LHFPL3: variants seen among roughly 807,000 people sequenced by gnomAD.
LHFPL3 encodes LHFPL tetraspan subfamily member 3 protein.
LHFPL3 carries 5 observed loss-of-function variants against 19.3 expected under a neutral mutation model. The ratio of observed to expected loss-of-function variants is 0.26; its 90% CI spans 0.14 to 0.54. LHFPL3 has a LOEUF of 0.54. Ranked by LOEUF, LHFPL3 falls within the 20% of genes least tolerant of loss-of-function variation. LHFPL3 has a pLI of 0.94. For synonymous variants in LHFPL3, 133 were observed against 126.2 expected (o/e 1.05, Z -0.36); for missense variants, 249 against 307.4 (o/e 0.81, Z 1.42).
chr7:104,667,663 C>A (rs1440356095), intron 1 of LHFPL3: 22 of 978,828 alleles, frequency 2.2e-5, no homozygotes, highest in Non-Finnish European at 3.3e-5. Flanking sequence ...TAAATAGTAA[C>A]TAAAGTTAAC....
At position 104,557,947 on chromosome 7, in the gene LHFPL3, C is replaced by T. The variant is rs560964260; in HGVS notation, c.446-178728C>T. ...TGCGGTGTTTGGTTTTTTGTTCTTG[C>T]GATAGTTTACTGAGAATCATGATTT... is the stretch of plus-strand genomic sequence containing the variant. On this transcript the variant is annotated intron_variant, in intron 1 of 2. Transcript: ENST00000424859. Among the ~76,000 whole-genome samples the T allele has an allele frequency of 1.2e-3, 180 of 150,210 alleles. 1 individual carries two copies. Among genetic ancestry groups the T allele is most frequent in the African/African-American group, 2.4e-3 (96 of 40,072 alleles).
chr7:104,538,372 G>C (rs1284837306), intron 1 of LHFPL3, among the ~76,000 whole-genome samples: 1 of 152,114 alleles, frequency 6.6e-6, no homozygotes, highest in East Asian at 1.9e-4. Flanking sequence ...AGTTACGAAA[G>C]CTAGAGCCCA....
intron 1 of LHFPL3, among the ~76,000 whole-genome samples, chr7:104,383,377 T>C (rs1790868612): frequency 6.6e-6 from 1 of 152,230 alleles, no homozygotes; most frequent in African/African-American, 2.4e-5. Flanking sequence ...AGGCTGACCT[T>C]GTTAATCATT....
intron 1 of LHFPL3, among the ~76,000 whole-genome samples, chr7:104,357,602 A>T (rs1418129541): frequency 1.3e-5 from 2 of 152,194 alleles, no homozygotes; most frequent in African/African-American, 2.4e-5. Flanking sequence ...CCAAAAGGAG[A>T]TAAATATTAA....
At chr7:104,802,803 A>G (rs1790281495) in intron 2 of LHFPL3, 1 of 152,172 alleles carries the variant, frequency 6.6e-6, no homozygotes, top group South Asian at 2.1e-4. Context: ...TCCAACCCCA[A>G]TGCCAATGCC....
chr7:104,621,760 G>A (rs2891729), intron 1 of LHFPL3, among the ~76,000 whole-genome samples: 138,694 of 152,192 alleles, frequency 0.91, 63,648 homozygotes, highest in East Asian at 0.99. Flanking sequence ...TTTATTATAT[G>A]ATTGTTGAAC....
intron 2 of LHFPL3, among the ~76,000 whole-genome samples, chr7:104,797,291 T>G (rs1305442403): frequency 6.6e-6 from 1 of 152,194 alleles, no homozygotes; most frequent in Non-Finnish European, 1.5e-5. Context: ...ATGATAGGAT[T>G]GTACCTCCTG....
rs1343674198 is a variant in LHFPL3, at chr7:104,620,668, C to CCG, written c.446-116006_446-116005insGC. Among the ~76,000 whole-genome samples the CCG allele has an allele frequency of 5.3e-5, 8 of 152,282 alleles. No individual in the cohort carries two copies. In the East Asian group the frequency reaches 5.8e-4, roughly 11 times the overall value. On this transcript the variant is annotated intron_variant, in intron 1 of 2. Coordinates refer to ENST00000424859, the MANE Select transcript of LHFPL3 (RefSeq NM_199000.3). Reference sequence around the variant, plus strand: ...TTTATCTTAATGTAGCACTTTTCCCCCCAGTGATTTCCACTTCTGGGTACA... The same window carrying CCG: ...TTTATCTTAATGTAGCACTTTTCCCCCGCCAGTGATTTCCACTTCTGGGTACA...
chr7:104,641,595 AC>A (rs1791835226), intron 1 of LHFPL3, among the ~76,000 whole-genome samples: 2 of 152,200 alleles, frequency 1.3e-5, no homozygotes, highest in Admixed American at 1.3e-4. Flanking sequence ...AGTTTCCATT[AC>A]ATGAAAAATG....
At chr7:104,494,884 A>C (rs41015) in intron 1 of LHFPL3, among the ~76,000 whole-genome samples, 112,985 of 151,866 alleles carry the variant, frequency 0.74, 42,396 homozygotes, top group African/African-American at 0.78. Flanking sequence ...GGGTACAAAT[A>C]CTAGATCCCC....
chr7:104,834,832 A>G (rs1473377084), intron 2 of LHFPL3, among the ~76,000 whole-genome samples: 1 of 151,922 alleles, frequency 6.6e-6, no homozygotes, highest in Non-Finnish European at 1.5e-5. Flanking sequence ...TAGCACTGAG[A>G]AGTTTGTTCA....
intron 1 of LHFPL3, among the ~76,000 whole-genome samples, chr7:104,589,138 C>A (rs1790649213): frequency 6.6e-6 from 1 of 152,156 alleles, no homozygotes; most frequent in South Asian, 2.1e-4. Flanking sequence ...GCCAGAACTT[C>A]CAACACTATG....
At chr7:104,653,349 T>A (rs536461632) in intron 1 of LHFPL3, among the ~76,000 whole-genome samples, 1 of 152,252 alleles carries the variant, frequency 6.6e-6, no homozygotes, top group East Asian at 1.9e-4. Context: ...GAAGACAGAT[T>A]GAACCCAAAA....
intron 1 of LHFPL3, among the ~76,000 whole-genome samples, chr7:104,520,254 G>C (rs1158119998): frequency 6.6e-6 from 1 of 151,716 alleles, no homozygotes; most frequent in Non-Finnish European, 1.5e-5. Context: ...TACATTTATT[G>C]ATTTGCGTAT....
At chr7:104,494,885 C>G (rs920418219) in intron 1 of LHFPL3, among the ~76,000 whole-genome samples, 2 of 152,092 alleles carry the variant, frequency 1.3e-5, no homozygotes, top group Non-Finnish European at 2.9e-5. Flanking sequence ...GGTACAAATA[C>G]TAGATCCCCA....
chr7:104,573,201 T>G (rs1790260489), intron 1 of LHFPL3, among the ~76,000 whole-genome samples: 1 of 151,978 alleles, frequency 6.6e-6, no homozygotes, highest in South Asian at 2.1e-4. Flanking sequence ...TCACCTGAGG[T>G]CAGGAGTGCA....
intron 1 of LHFPL3, among the ~76,000 whole-genome samples, chr7:104,487,026 G>A (rs1167269391): frequency 1.3e-5 from 2 of 151,484 alleles, no homozygotes; most frequent in African/African-American, 4.9e-5. Context: ...TTTTCATCCT[G>A]TTATTTCCCT....
At chr7:104,625,422 G>A (rs1244482244) in intron 1 of LHFPL3, among the ~76,000 whole-genome samples, 6 of 152,158 alleles carry the variant, frequency 3.9e-5, no homozygotes, top group East Asian at 3.8e-4. Flanking sequence ...CAATATTGGA[G>A]ACAAAATCCT....
chr7:104,708,378 A>C (rs577830392), intron 1 of LHFPL3, among the ~76,000 whole-genome samples: 1 of 152,330 alleles, frequency 6.6e-6, no homozygotes, highest in Non-Finnish European at 1.5e-5. Context: ...AGATGAATAA[A>C]CACTATTGAT....
Sources: allele counts gnomAD v4.1 joint callset (sites outside exome capture counted in the v4.1 genomes callset), GRCh38; gene constraint gnomAD v4.1.1; transcripts MANE v1.5; gene names NCBI Gene and HGNC (gene_info 2026-07-23, HGNC 2026-07-21).